Variants in CLIC6 observed in about 807,000 individuals in gnomAD.
CLIC6 encodes chloride intracellular channel protein 6.
CLIC6 carries 39 observed loss-of-function variants against 49.2 expected under a neutral mutation model. The ratio of observed to expected loss-of-function variants is 0.79; its 90% confidence interval spans 0.61 to 1.04. The LOEUF (loss-of-function observed/expected upper bound fraction) is 1.04. Among genes scored for constraint, CLIC6 ranks in the 50% least tolerant of loss-of-function variants. The probability of loss-of-function intolerance (pLI) is 0.00; values close to 1 mark genes in which losing one functional copy is unlikely to be tolerated. For missense variants in CLIC6, 988 were observed against 993.1 expected, an observed-to-expected ratio of 0.99 and a Z score of 0.07; for synonymous variants, 446 against 433.4, an observed-to-expected ratio of 1.03 and a Z score of -0.36.
chr21:34,705,774 C>T (rs1434123744), intron 1 of CLIC6, among the ~76,000 whole-genome samples: 3 of 152,028 alleles, frequency 2.0e-5, no homozygotes, highest in Non-Finnish European at 4.4e-5. Context: ...ATCAATGGAT[C>T]ATCCAATTGG....
rs1311368418 is a variant in CLIC6, at chr21:34,669,594, C to G, written c.206C>G (p.Pro69Arg). 5 of 1,269,502 alleles carry G rather than the reference C, an allele frequency of 3.9e-6. No individual in the cohort carries two copies. Among genetic ancestry groups the G allele is most frequent in the Non-Finnish European group, 3.0e-6 (3 of 1,011,300 alleles). 78.6% of individuals were successfully genotyped at this position (1,269,502 alleles called of 1,614,324 possible). A position where few individuals can be genotyped will look rare whatever the true frequency, so the allele number is the denominator to read the frequency against. Residue 69 changes from proline to arginine, a missense_variant, in exon 1 of 6, where the codon CCG becomes CGG. Transcript: ENST00000349499. Reference protein sequence around the residue: ...EAGGGGPDRGPEAEARGTRGA... With the variant: ...EAGGGGPDRGREAEARGTRGA... The stretch of plus-strand genomic sequence containing the variant: ...GGAGGCGGCGGGCCAGACAGGGGCC[C>G]GGAGGCCGAGGCGCGGGGCACGAGG...
At chr21:34,700,852 G>C (rs1183514431) in intron 1 of CLIC6, among the ~76,000 whole-genome samples, 1 of 139,900 alleles carries the variant, frequency 7.1e-6, no homozygotes, top group Non-Finnish European at 1.5e-5. Flanking sequence ...ACGGGTCAAG[G>C]TGTGCTCAGC....
Position 34,698,705 on chromosome 21 carries a change from G to A in CLIC6, c.1375-8575G>A, listed in dbSNP as rs566237757. On this transcript the variant is annotated intron_variant, in intron 1 of 5. Coordinates refer to ENST00000349499, the MANE Select transcript of CLIC6 (RefSeq NM_053277.3). ...TTTCATTGTACATGAAGAAAGACAA[G>A]ACACTAGAAGGTCAGGTGACTTGCC... Among the ~76,000 whole-genome samples the A allele has an allele frequency of 1.1e-4, 16 of 152,312 alleles. No individual in the cohort carries two copies. In the South Asian group the frequency reaches 3.3e-3, roughly 32 times the overall value.
chr21:34,710,091 A>G (rs557235421), intron 5 of CLIC6, among the ~76,000 whole-genome samples: 2 of 151,784 alleles, frequency 1.3e-5, no homozygotes, highest in Non-Finnish European at 2.9e-5. Context: ...AGGGCAACAT[A>G]GCGAGACCCC....
chr21:34,693,614 C>T lies in CLIC6; in HGVS notation c.1375-13666C>T, dbSNP rs138717632. ...CTAGAGGGACCTCAAATCACTCTTGCCAAGTTGAAAAATTGGCGAAAAATA... is the reference window on the plus strand; with the variant it reads ...CTAGAGGGACCTCAAATCACTCTTGTCAAGTTGAAAAATTGGCGAAAAATA... On this transcript the variant is annotated intron_variant, in intron 1 of 5. Coordinates refer to ENST00000349499, the MANE Select transcript of CLIC6 (RefSeq NM_053277.3). Among the ~76,000 whole-genome samples the T allele has an allele frequency of 2.9e-3, 436 of 152,218 alleles. 3 individuals carry two copies. The highest frequency in any genetic ancestry group is 1.0e-2 in the African/African-American group (414 of 41,522).
chr21:34,713,150 G>T (rs200545337), intron 5 of CLIC6, among the ~76,000 whole-genome samples: 7 of 152,112 alleles, frequency 4.6e-5, no homozygotes, highest in African/African-American at 9.7e-5. Flanking sequence ...AGAAGGGGGT[G>T]GGGGGAGGAA....
At position 34,669,833 on chromosome 21, in the gene CLIC6, G is replaced by A. The variant is rs1385293946; in HGVS notation, c.445G>A (p.Glu149Lys). The A allele has an allele frequency of 5.6e-5, 80 of 1,417,258 alleles. No homozygotes were observed. The highest frequency in any genetic ancestry group is 6.7e-5 in the Non-Finnish European group (73 of 1,095,088). 87.8% of individuals were successfully genotyped at this position (1,417,258 alleles called of 1,614,324 possible). A position where few individuals can be genotyped will look rare whatever the true frequency, so the allele number is the denominator to read the frequency against. The change falls in exon 1 of 6, where the codon GAA (glutamate) becomes AAA (lysine). Residue 149 changes from glutamate (E) to lysine (K), a missense_variant. Physicochemically the swap from Glu to Lys is moderately conservative, Grantham distance 56. This residue lies in a region of CLIC6 where 284 missense variants were observed against 278.6 expected (regional missense o/e 1.02). Transcript: ENST00000349499. ...EEAEQRPEVP[E>K]GSASGEAGDS... ...GGCGGAGCAGAGGCCTGAGGTCCCG[G>A]AAGGTAGCGCGTCCGGGGAGGCGGG...
At chr21:34,675,033 T>C (rs149379157) in intron 1 of CLIC6, among the ~76,000 whole-genome samples, 153 of 152,188 alleles carry the variant, frequency 1.0e-3, no homozygotes, top group African/African-American at 3.3e-3. Context: ...CTTAAAAAAC[T>C]TCAGTGTTGA....
intron 1 of CLIC6, among the ~76,000 whole-genome samples, chr21:34,700,309 T>C (rs112355508): frequency 0.02 from 2,282 of 113,192 alleles, 37 homozygotes; most frequent in African/African-American, 0.036. Context: ...TAGCCGTGCG[T>C]GGTGCCGGGC....
chr21:34,693,850 C>T (rs1412101062), intron 1 of CLIC6, among the ~76,000 whole-genome samples: 2 of 152,156 alleles, frequency 1.3e-5, no homozygotes, highest in Admixed American at 6.5e-5. Flanking sequence ...GAATTGTGAT[C>T]CCCAGTGCTG....
intron 1 of CLIC6, among the ~76,000 whole-genome samples, chr21:34,686,255 G>T (rs1480031106): frequency 6.6e-6 from 1 of 152,140 alleles, no homozygotes; most frequent in Non-Finnish European, 1.5e-5. Flanking sequence ...TACAAAGTTA[G>T]CAGGGCATGG....
chr21:34,709,346 T>C lies in CLIC6; in HGVS notation c.1718-11T>C. 1 of 1,606,874 alleles carries C rather than the reference T, an allele frequency of 6.2e-7. No homozygotes were observed. The highest frequency in any genetic ancestry group is 8.5e-7 in the Non-Finnish European group (1 of 1,176,306). ...AACCTCTCTTTGTGATTTCTTGCCC[T>C]TCTGTTTTAGTTCATGAAAAGAACC... On this transcript the variant is annotated splice_polypyrimidine_tract_variant and intron_variant, in intron 4 of 5. Transcript: ENST00000349499.
intron 1 of CLIC6, among the ~76,000 whole-genome samples, chr21:34,695,047 A>T (rs1990066558): frequency 6.6e-6 from 1 of 152,214 alleles, no homozygotes; most frequent in South Asian, 2.1e-4. Flanking sequence ...GGTGGCTTTG[A>T]ATAACTCCAA....
In CLIC6 at chr21:34,709,418, G is replaced by T; in HGVS notation, c.1779G>T (p.Leu593=). The T allele has an allele frequency of 1.2e-6, 2 of 1,614,048 alleles. No homozygotes were observed. The highest frequency in any genetic ancestry group is 1.7e-6 in the Non-Finnish European group (2 of 1,179,952). The stretch of plus-strand genomic sequence containing the variant: ...TGGATAATTACTTAAATAGCCCTCT[G>T]CCTGATGAAATAGATGCCTACAGCA... ...RKLDNYLNSP[L]PDEIDAYSTE... is the part of the protein sequence containing the mutation. The change falls in exon 5 of 6, where the codon CTG becomes CTT. Residue 593 remains leucine (L), a synonymous_variant. Transcript: ENST00000349499.
Position 34,669,651 on chromosome 21 carries a change from G to T in CLIC6, c.263G>T (p.Gly88Val), listed in dbSNP as rs914936496. The T allele has an allele frequency of 4.6e-6, 6 of 1,314,156 alleles. No homozygotes were observed. In the African/African-American group the frequency reaches 9.3e-5, roughly 20 times the overall value. 81.4% of individuals were successfully genotyped at this position (1,314,156 alleles called of 1,614,324 possible). Reference sequence around the variant, plus strand: ...CACGGCGAGACTGAGGCCGAGGAGGGAGCCCCGGAGGGTGCCGAGGTGCCC... The same window carrying T: ...CACGGCGAGACTGAGGCCGAGGAGGTAGCCCCGGAGGGTGCCGAGGTGCCC... ...GAHGETEAEEGAPEGAEVPQG... is the reference protein window; with the variant it reads ...GAHGETEAEEVAPEGAEVPQG... The change falls in exon 1 of 6, where the codon GGA becomes GTA. Residue 88 changes from glycine to valine, a missense_variant. Coordinates refer to ENST00000349499, the MANE Select transcript of CLIC6 (RefSeq NM_053277.3).
chr21:34,702,230 C>G (rs950750809), intron 1 of CLIC6, among the ~76,000 whole-genome samples: 1 of 152,158 alleles, frequency 6.6e-6, no homozygotes, highest in South Asian at 2.1e-4. Context: ...CCAGCTCCCC[C>G]ACCTTTTCCT....
rs1601253031 is a variant in CLIC6, at chr21:34,669,582, C to T, written c.194C>T (p.Pro65Leu). The T allele has an allele frequency of 3.2e-6, 4 of 1,263,020 alleles. No individual in the cohort carries two copies. In the East Asian group the frequency reaches 9.5e-5, roughly 30 times the overall value. The allele number at this position is 1,263,020 out of a possible 1,614,324, so 78.2% of individuals were successfully genotyped here. A position where few individuals can be genotyped will look rare whatever the true frequency, so the allele number is the denominator to read the frequency against. ...AAVKEAGGGGPDRGPEAEARG... is the reference protein window; with the variant it reads ...AAVKEAGGGGLDRGPEAEARG... Reference sequence around the variant, plus strand: ...GTGAAGGAGGCAGGAGGCGGCGGGCCAGACAGGGGCCCGGAGGCCGAGGCG... The same window carrying T: ...GTGAAGGAGGCAGGAGGCGGCGGGCTAGACAGGGGCCCGGAGGCCGAGGCG... Residue 65 changes from proline (P) to leucine (L), a missense_variant, in exon 1 of 6, where the codon CCA becomes CTA. Physicochemically the swap from Pro to Leu is moderately conservative, Grantham distance 98 (BLOSUM62 -3). Transcript: ENST00000349499.
Position 34,670,469 on chromosome 21 carries a change from G to T in CLIC6, c.1081G>T (p.Asp361Tyr). Residue 361 changes from aspartate to tyrosine, a missense_variant, in exon 1 of 6, where the codon GAT becomes TAT. This residue lies in a region of CLIC6 where 647 missense variants were observed against 596.9 expected (regional missense o/e 1.08). Coordinates refer to ENST00000349499, the MANE Select transcript of CLIC6 (RefSeq NM_053277.3). ...RADAGEDRVG[D>Y]GPQQEPGEDE... ...AGACGCTGGCGAGGACAGGGTAGGG[G>T]ATGGGCCACAGCAGGAGCCGGGGGA... 1.3e-6 allele frequency: 2 copies of T among 1,491,142 alleles called. No homozygotes were observed. Among genetic ancestry groups the T allele is most frequent in the South Asian group, 1.3e-5 (1 of 75,238 alleles). 92.4% of individuals were successfully genotyped at this position (1,491,142 alleles called of 1,614,324 possible). A position where few individuals can be genotyped will look rare whatever the true frequency, so the allele number is the denominator to read the frequency against.
At chr21:34,706,392 A>G (rs1164561824) in intron 1 of CLIC6, among the ~76,000 whole-genome samples, 1 of 152,236 alleles carries the variant, frequency 6.6e-6, no homozygotes, top group African/African-American at 2.4e-5. Flanking sequence ...ACTTCCCGTC[A>G]GGCCCTGCCT....
Sources: allele counts gnomAD v4.1 joint callset (sites outside exome capture counted in the v4.1 genomes callset), GRCh38; gene constraint gnomAD v4.1.1; regional missense constraint gnomAD v4.1.1; transcripts MANE v1.5; gene names NCBI Gene and HGNC (gene_info 2026-07-23, HGNC 2026-07-21).